The following CCDC192 variants were observed in gnomAD, a reference collection of about 807,000 sequenced individuals.
The protein encoded by CCDC192 is coiled-coil domain-containing protein 192.
At chr5:127,802,571 C>T (rs188318323) in intron 5 of CCDC192, among the ~76,000 whole-genome samples, 219 of 152,248 alleles carry the variant, frequency 1.4e-3, no homozygotes, top group Non-Finnish European at 1.9e-3. Context: ...GTTTTTTCCA[C>T]GAAGTTCTCC....
chr5:127,745,305 A>C (rs1186892517), intron 2 of CCDC192, among the ~76,000 whole-genome samples: 2 of 152,222 alleles, frequency 1.3e-5, no homozygotes, highest in Non-Finnish European at 2.9e-5. Context: ...AGGTACTGGA[A>C]TAGATTAAGA....
At chr5:127,883,512 G>A (rs1403907861) in intron 6 of CCDC192, among the ~76,000 whole-genome samples, 2 of 152,174 alleles carry the variant, frequency 1.3e-5, no homozygotes, top group South Asian at 2.1e-4. Context: ...TTCAGAGATT[G>A]CCTGTTAGTT....
chr5:127,831,366 G>T (rs1476891813), intron 5 of CCDC192, among the ~76,000 whole-genome samples: 1 of 151,836 alleles, frequency 6.6e-6, no homozygotes, highest in African/African-American at 2.4e-5. Context: ...GTGTGTGCGT[G>T]TGTATATGTG....
intron 3 of CCDC192, among the ~76,000 whole-genome samples, chr5:127,779,310 T>C (rs1756052946): frequency 6.6e-6 from 1 of 152,150 alleles, no homozygotes; most frequent in African/African-American, 2.4e-5. Flanking sequence ...AAAAATTTTT[T>C]TTTGAGATGG....
chr5:127,880,098 C>G (rs1368569662), intron 6 of CCDC192, among the ~76,000 whole-genome samples: 1 of 152,026 alleles, frequency 6.6e-6, no homozygotes. Flanking sequence ...CATCCCATTA[C>G]TGGGTATATA....
intron 2 of CCDC192, among the ~76,000 whole-genome samples, chr5:127,721,037 A>G (rs1362559546): frequency 2.0e-5 from 3 of 152,330 alleles, no homozygotes; most frequent in Admixed American, 2.0e-4. Context: ...GTCTTTCCCC[A>G]TTATCTTGAC....
At chr5:127,859,529 G>A (rs1445676108) in intron 5 of CCDC192, among the ~76,000 whole-genome samples, 1 of 127,608 alleles carries the variant, frequency 7.8e-6, no homozygotes. Flanking sequence ...CAGGACCCAG[G>A]ATGTTCATTT....
At chr5:127,768,237 G>A (rs1483454171) in intron 3 of CCDC192, among the ~76,000 whole-genome samples, 1 of 152,014 alleles carries the variant, frequency 6.6e-6, no homozygotes, top group Non-Finnish European at 1.5e-5. Context: ...GGGTGACAGA[G>A]AGAGACTCCA....
At chr5:127,840,965 C>T (rs914209985) in intron 5 of CCDC192, among the ~76,000 whole-genome samples, 21 of 152,276 alleles carry the variant, frequency 1.4e-4, no homozygotes, top group African/African-American at 4.6e-4. Flanking sequence ...AGAAATCTGG[C>T]AAAACAAGTC....
intron 3 of CCDC192, among the ~76,000 whole-genome samples, chr5:127,762,747 C>G (rs1580615631): frequency 6.6e-6 from 1 of 152,156 alleles, no homozygotes; most frequent in Non-Finnish European, 1.5e-5. Context: ...AGTCATGGCT[C>G]TGCTGTTAGG....
At chr5:127,768,290 G>T (rs1303331620) in intron 3 of CCDC192, among the ~76,000 whole-genome samples, 1 of 151,966 alleles carries the variant, frequency 6.6e-6, no homozygotes, top group African/African-American at 2.4e-5. Flanking sequence ...GGTCATACTG[G>T]AGTAGGATGG....
At chr5:127,853,564 G>A (rs546239254) in intron 5 of CCDC192, among the ~76,000 whole-genome samples, 1 of 152,144 alleles carries the variant, frequency 6.6e-6, no homozygotes, top group Non-Finnish European at 1.5e-5. Context: ...CCTGAAGTCA[G>A]GAGTTTGATA....
chr5:127,864,912 C>T (rs1442507373), intron 5 of CCDC192, among the ~76,000 whole-genome samples: 3 of 152,142 alleles, frequency 2.0e-5, no homozygotes, highest in Non-Finnish European at 4.4e-5. Flanking sequence ...CTTTGGGAGG[C>T]CAAGGTGGGC....
intron 6 of CCDC192, among the ~76,000 whole-genome samples, chr5:127,886,086 A>T (rs1580795572): frequency 6.6e-6 from 1 of 152,184 alleles, no homozygotes; most frequent in East Asian, 1.9e-4. Flanking sequence ...TGAAAATGTT[A>T]CTGCTCTTCT....
chr5:127,864,125 G>C (rs540914482), intron 5 of CCDC192, among the ~76,000 whole-genome samples: 5 of 152,312 alleles, frequency 3.3e-5, no homozygotes, highest in Admixed American at 6.5e-5. Flanking sequence ...TGATCAGAAA[G>C]TTTGAGTTCA....
intron 6 of CCDC192, among the ~76,000 whole-genome samples, chr5:127,924,612 A>C (rs1456636722): frequency 6.6e-6 from 1 of 152,210 alleles, no homozygotes; most frequent in Non-Finnish European, 1.5e-5. Flanking sequence ...GATCAGTAGG[A>C]GATGCTAATG....
At chr5:127,702,261 T>C (rs965101047), upstream of CCDC192, among the ~76,000 whole-genome samples, 3 of 152,100 alleles carry the variant, frequency 2.0e-5, no homozygotes, top group African/African-American at 4.8e-5. Context: ...CCCGGCTAAT[T>C]TGGTTCTTTC....
chr5:127,898,384 C>T (rs1484289368), intron 6 of CCDC192, among the ~76,000 whole-genome samples: 2 of 152,206 alleles, frequency 1.3e-5, no homozygotes, highest in African/African-American at 2.4e-5. Flanking sequence ...GCTGGGATTA[C>T]AAGCGTGAGC....
chr5:127,845,819 C>T (rs1053403091), intron 5 of CCDC192, among the ~76,000 whole-genome samples: 2 of 152,090 alleles, frequency 1.3e-5, no homozygotes, highest in African/African-American at 4.8e-5. Context: ...TTAATGGTCC[C>T]TCACTGTACC....
Sources: allele counts gnomAD v4.1 joint callset (sites outside exome capture counted in the v4.1 genomes callset), GRCh38; gene constraint gnomAD v4.1.1; transcripts MANE v1.5; gene names NCBI Gene and HGNC (gene_info 2026-07-23, HGNC 2026-07-21).